The following PDE1C variants were observed in gnomAD, a reference collection of about 807,000 sequenced individuals.
PDE1C encodes dual specificity calcium/calmodulin-dependent 3',5'-cyclic nucleotide phosphodiesterase 1C.
In PDE1C, 62 loss-of-function variants were observed where a neutral mutation model predicts 93.1. The ratio of observed to expected loss-of-function variants is 0.67; its 90% CI spans 0.54 to 0.82. PDE1C has a LOEUF of 0.82. Among genes scored for constraint, PDE1C ranks in the 40% least tolerant of loss-of-function variants. PDE1C has a pLI of 0.00. For missense variants in PDE1C, 742 were observed against 884.6 expected, an observed-to-expected ratio of 0.84 and a Z score of 2.04; for synonymous variants, 325 against 310.1, an observed-to-expected ratio of 1.05 and a Z score of -0.50.
chr7:31,831,073 G>A (rs948641524), intron 11 of PDE1C, among the ~76,000 whole-genome samples: 3 of 152,118 alleles, frequency 2.0e-5, no homozygotes, highest in African/African-American at 7.2e-5. Context: ...AGACATTTAG[G>A]TAATATCTCA....
intron 1 of PDE1C, among the ~76,000 whole-genome samples, chr7:32,323,565 G>T (rs1783343895): frequency 6.6e-6 from 1 of 152,194 alleles, no homozygotes; most frequent in South Asian, 2.1e-4. Context: ...GGCTGCAGCA[G>T]TCAGGGTGGC....
the PDE1C span, among the ~76,000 whole-genome samples, chr7:31,632,335 C>G: frequency 2.0e-5 from 3 of 152,064 alleles, no homozygotes; most frequent in South Asian, 2.1e-4. Context: ...GTAGTCCCAG[C>G]TACTTGAGAG....
Position 32,278,115 on chromosome 7 carries a change from A to C in PDE1C, c.85+20536T>G, listed in dbSNP as rs376006402. ...AAACACGGGCAGATGGAAATTAAAC[A>C]CAACGAGTTGCCAAAAAAAAAAAAA... On this transcript the variant is annotated intron_variant, in intron 1 of 18. Transcript: ENST00000396193. Among the ~76,000 whole-genome samples the C allele has an allele frequency of 1.7e-4, 16 of 96,732 alleles. 1 individual carries two copies. The East Asian group carries it at 3.7e-3, about 23-fold the overall frequency. The allele number at this position is 96,732 out of a possible 152,430, so 63.5% of individuals were successfully genotyped here.
intron 1 of PDE1C, among the ~76,000 whole-genome samples, chr7:32,373,912 A>C (rs981631941): frequency 2.6e-5 from 4 of 152,122 alleles, no homozygotes; most frequent in African/African-American, 9.7e-5. Flanking sequence ...ACTTGAACCC[A>C]GAAGGCAGAG....
chr7:32,271,957 GCCA>G (rs1810998484), intron 1 of PDE1C, among the ~76,000 whole-genome samples: 1 of 152,124 alleles, frequency 6.6e-6, no homozygotes, highest in African/African-American at 2.4e-5. Context: ...CGTTTTTTCT[GCCA>G]TTGGGTTAGT....
At chr7:31,794,047 GACAGACAGACAGACA>G (rs1306229803) in intron 16 of PDE1C, among the ~76,000 whole-genome samples, 2 of 129,452 alleles carry the variant, frequency 1.5e-5, no homozygotes, top group African/African-American at 6.9e-5. Context: ...TAGATAGACA[GACAGACAGACAGACA>G]GACAGACAGA....
intron 2 of PDE1C, among the ~76,000 whole-genome samples, chr7:31,988,205 G>A (rs1422445476): frequency 2.0e-5 from 3 of 152,182 alleles, no homozygotes; most frequent in Non-Finnish European, 4.4e-5. Flanking sequence ...ACCCCCTGCT[G>A]TTGCCAGTCT....
At chr7:32,313,994 T>C (rs1345128769) in intron 1 of PDE1C, among the ~76,000 whole-genome samples, 2 of 151,978 alleles carry the variant, frequency 1.3e-5, no homozygotes, top group East Asian at 1.9e-4. Flanking sequence ...GTATCCTCAG[T>C]GTTTTTGTCT....
At chr7:31,935,121 CAT>C (rs1804858807) in intron 2 of PDE1C, among the ~76,000 whole-genome samples, 1 of 152,150 alleles carries the variant, frequency 6.6e-6, no homozygotes, top group African/African-American at 2.4e-5. Context: ...AGTAAGAGAA[CAT>C]GGATAGTGCT....
chr7:31,798,810 T>C (rs1486768439), intron 16 of PDE1C, among the ~76,000 whole-genome samples: 1 of 151,778 alleles, frequency 6.6e-6, no homozygotes, highest in East Asian at 1.9e-4. Flanking sequence ...GCATAGCCAG[T>C]GTCAACTACA....
At chr7:31,777,061 T>C (rs1041830540) in intron 16 of PDE1C, among the ~76,000 whole-genome samples, 1 of 151,268 alleles carries the variant, frequency 6.6e-6, no homozygotes. Context: ...TTAATGGGTG[T>C]AGCACACCAA....
chr7:31,790,295 G>A, intron 16 of PDE1C: 1 of 1,579,728 alleles, frequency 6.3e-7, no homozygotes, highest in African/African-American at 1.3e-5. Flanking sequence ...AAGTGTCAAT[G>A]CTGCCTTTCC....
intron 3 of PDE1C, among the ~76,000 whole-genome samples, chr7:32,111,249 G>T (rs909701059): frequency 1.3e-5 from 2 of 152,166 alleles, no homozygotes; most frequent in African/African-American, 4.8e-5. Context: ...ACCATCCCTA[G>T]ATTTTCAAGC....
chr7:32,302,993 T>C (rs889344649), upstream of PDE1C, among the ~76,000 whole-genome samples: 3 of 152,230 alleles, frequency 2.0e-5, no homozygotes, highest in Non-Finnish European at 4.4e-5. Context: ...CATATAATCA[T>C]TGGCTGCAGG....
At chr7:32,347,883 C>A (rs973506266) in intron 1 of PDE1C, among the ~76,000 whole-genome samples, 9 of 152,240 alleles carry the variant, frequency 5.9e-5, no homozygotes, top group Non-Finnish European at 1.0e-4. Flanking sequence ...GAGGACCCGA[C>A]TATGCTGTGC....
intron 2 of PDE1C, among the ~76,000 whole-genome samples, chr7:32,027,607 TAAAAAAAAAAAAAAAAAAAAAAAAA>T (rs551660766): frequency 1.0e-4 from 8 of 78,540 alleles, no homozygotes; most frequent in Non-Finnish European, 1.3e-4. Context: ...TCAAAAATGG[TAAAAAAAAAAAAAAAAAAAAAAAAA>T]AAAAAAAAAA....
intron 2 of PDE1C, among the ~76,000 whole-genome samples, chr7:31,955,153 T>C (rs1010099682): frequency 6.6e-6 from 1 of 152,178 alleles, no homozygotes; most frequent in Non-Finnish European, 1.5e-5. Flanking sequence ...AAGCAGTTCA[T>C]CCAGAAGCAG....
intron 1 of PDE1C, among the ~76,000 whole-genome samples, chr7:32,407,047 G>A (rs1464277784): frequency 6.6e-6 from 1 of 152,136 alleles, no homozygotes; most frequent in South Asian, 2.1e-4. Context: ...AGGCCAAGGT[G>A]GGCGAATCAC....
chr7:31,909,626 T>C (rs1352666851), intron 2 of PDE1C, among the ~76,000 whole-genome samples: 3 of 152,190 alleles, frequency 2.0e-5, no homozygotes, highest in Non-Finnish European at 1.5e-5. Flanking sequence ...AAACATAGAA[T>C]ATCATAACTT....
Sources: gnomAD v4.1 joint callset for allele counts (sites outside exome capture counted in the v4.1 genomes callset) on GRCh38, gnomAD v4.1.1 for gene constraint, MANE v1.5 for transcripts, NCBI Gene and HGNC (gene_info 2026-07-23, HGNC 2026-07-21) for gene names.